Variants in MYO3A observed in about 807,000 individuals in gnomAD.
MYO3A encodes myosin-IIIa.
Under a neutral mutation model 192.7 loss-of-function variants are expected in MYO3A, and 180 were observed. That is an observed-to-expected ratio of 0.93 (90% CI 0.83 to 1.06). MYO3A has a LOEUF of 1.06. MYO3A is among the 50% of genes least tolerant of loss of function. The pLI is 0.00. For synonymous variants in MYO3A, 628 were observed against 645.3 expected, an observed-to-expected ratio of 0.97 and a Z score of 0.41; for missense variants, 1,896 against 1,905.0, an observed-to-expected ratio of 1.00 and a Z score of 0.09.
chr10:26,115,392 T>A (rs1404534368), intron 17 of MYO3A, among the ~76,000 whole-genome samples: 1 of 152,196 alleles, frequency 6.6e-6, no homozygotes. Flanking sequence ...TTGTTTTTAA[T>A]ATCCAAAGAA....
intron 6 of MYO3A, among the ~76,000 whole-genome samples, chr10:26,006,558 A>G (rs1263401668): frequency 3.9e-5 from 6 of 152,164 alleles, no homozygotes; most frequent in Non-Finnish European, 7.4e-5. Flanking sequence ...TATCACCACC[A>G]ATCCCACAGA....
chr10:25,970,137 T>C (rs1300895335), intron 4 of MYO3A, among the ~76,000 whole-genome samples: 1 of 152,088 alleles, frequency 6.6e-6, no homozygotes, highest in Non-Finnish European at 1.5e-5. Context: ...ATTTCCTCAG[T>C]AATTTAAAAA....
At chr10:25,956,626 G>T (rs1252872699) in intron 4 of MYO3A, among the ~76,000 whole-genome samples, 4 of 151,362 alleles carry the variant, frequency 2.6e-5, no homozygotes, top group Admixed American at 6.6e-5. Context: ...CTCCATTATG[G>T]TTTTTAAATG....
chr10:25,995,196 G>C (rs1453134857), intron 4 of MYO3A, among the ~76,000 whole-genome samples: 2 of 152,168 alleles, frequency 1.3e-5, no homozygotes, highest in African/African-American at 4.8e-5. Flanking sequence ...TTTCTTGGAA[G>C]CTTTGTTCAT....
At chr10:26,045,251 G>T (rs72793986) in intron 10 of MYO3A, among the ~76,000 whole-genome samples, 24,741 of 152,092 alleles carry the variant, frequency 0.16, 2,306 homozygotes, top group Non-Finnish European at 0.21. Flanking sequence ...GACATACTTA[G>T]GGGGACTTTG....
chr10:26,092,894 G>C (rs1404688714), intron 15 of MYO3A, among the ~76,000 whole-genome samples: 1 of 152,184 alleles, frequency 6.6e-6, no homozygotes, highest in Admixed American at 6.5e-5. Context: ...GTGACCCCGG[G>C]TAAGCTTTGG....
At chr10:26,134,110 A>G (rs1324522544) in intron 20 of MYO3A, among the ~76,000 whole-genome samples, 2 of 152,346 alleles carry the variant, frequency 1.3e-5, no homozygotes, top group East Asian at 1.9e-4. Context: ...TGGAATTTTC[A>G]TCTTAGCATG....
chr10:26,188,947 C>T (rs779830594), intron 31 of MYO3A, among the ~76,000 whole-genome samples: 14 of 152,126 alleles, frequency 9.2e-5, no homozygotes, highest in Non-Finnish European at 1.3e-4. Flanking sequence ...GTTCTTTTGG[C>T]TTAGGATTGA....
intron 6 of MYO3A, among the ~76,000 whole-genome samples, chr10:26,008,852 A>G (rs1267596909): frequency 1.3e-5 from 2 of 151,958 alleles, no homozygotes; most frequent in Non-Finnish European, 2.9e-5. Context: ...TAGAAATACC[A>G]TTTGACCCAG....
At chr10:26,195,361 T>A (rs780161706) in intron 32 of MYO3A, among the ~76,000 whole-genome samples, 2 of 152,224 alleles carry the variant, frequency 1.3e-5, no homozygotes, top group Non-Finnish European at 2.9e-5. Flanking sequence ...CAGCATGTCT[T>A]GTCAGTAGTT....
Position 26,174,506 on chromosome 10 carries a change from G to C in MYO3A, c.4242G>C (p.Ser1414=). 6.2e-7 allele frequency: 1 copy of C among 1,613,910 alleles called. No homozygotes were observed. Residue 1414 remains serine (S), a synonymous_variant, in exon 30 of 35, where the codon TCG becomes TCC. Coordinates refer to ENST00000642920, the MANE Select transcript of MYO3A (RefSeq NM_017433.5). ...NNIKKKDNKD[S]KATSEREACG... is the part of the protein sequence containing the mutation. ...TCAAGAAGAAGGATAACAAAGACTC[G>C]AAAGCAACTTCAGAAAGAGAAGCAT...
chr10:26,065,094 A>C (rs1834734303), intron 10 of MYO3A, among the ~76,000 whole-genome samples: 1 of 152,226 alleles, frequency 6.6e-6, no homozygotes, highest in Non-Finnish European at 1.5e-5. Flanking sequence ...CAGAGATACC[A>C]GTGAGTTAAG....
intron 4 of MYO3A, among the ~76,000 whole-genome samples, chr10:25,975,273 A>C (rs1291652432): frequency 6.6e-6 from 1 of 152,208 alleles, no homozygotes; most frequent in East Asian, 1.9e-4. Context: ...ACTGGCCAGA[A>C]CCACTCCAGG....
chr10:26,179,550 TAA>T (rs1443736636), intron 31 of MYO3A, among the ~76,000 whole-genome samples: 1 of 152,232 alleles, frequency 6.6e-6, no homozygotes, highest in Admixed American at 6.5e-5. Context: ...TCATTTCGCT[TAA>T]AGTTGCAGTT....
Position 26,096,684 on chromosome 10 carries a change from T to C in MYO3A, c.1776+2T>C. 1 of 1,549,556 alleles carries C rather than the reference T, an allele frequency of 6.5e-7. No homozygotes were observed. Among genetic ancestry groups the C allele is most frequent in the Non-Finnish European group, 8.9e-7 (1 of 1,121,406 alleles). On this transcript the variant is annotated splice_donor_variant, in intron 17 of 34. Transcript: ENST00000642920. LOFTEE classifies it high-confidence loss of function. ...AAAGTCATAGGTTTTACAATGGAGG[T>C]AAGTATGAAAGACACTTGAACTTCT...
chr10:26,082,544 C>T (rs544207891), intron 14 of MYO3A, among the ~76,000 whole-genome samples: 6 of 152,132 alleles, frequency 3.9e-5, no homozygotes, highest in Non-Finnish European at 8.8e-5. Context: ...CCACTTACCC[C>T]ACAGGGGATA....
At chr10:26,084,992 G>A (rs1181177933) in intron 14 of MYO3A, among the ~76,000 whole-genome samples, 1 of 151,974 alleles carries the variant, frequency 6.6e-6, no homozygotes, top group East Asian at 1.9e-4. Context: ...CTCAATTTTG[G>A]TAGGTTGTAT....
chr10:26,154,825 T>A lies in MYO3A; in HGVS notation c.2793+2T>A, dbSNP rs749714205. ...CAAACGGTTGCATCATATTTTAGAG[T>A]AAGATATTAAACTATGATGTATTGT... On this transcript the variant is annotated splice_donor_variant, in intron 25 of 34. Coordinates refer to ENST00000642920, the MANE Select transcript of MYO3A (RefSeq NM_017433.5). LOFTEE classifies it high-confidence loss of function. 7.5e-6 allele frequency: 12 copies of A among 1,608,724 alleles called. No individual in the cohort carries two copies. The highest frequency in any genetic ancestry group is 6.7e-5 in the Admixed American group (4 of 59,760).
At chr10:25,943,317 A>G (rs1328831239) in intron 2 of MYO3A, among the ~76,000 whole-genome samples, 1 of 152,094 alleles carries the variant, frequency 6.6e-6, no homozygotes, top group Non-Finnish European at 1.5e-5. Context: ...GAAATCAGGA[A>G]GTATAAAACC....
Sources: allele counts gnomAD v4.1 joint callset (sites outside exome capture counted in the v4.1 genomes callset), GRCh38; gene constraint gnomAD v4.1.1; transcripts MANE v1.5; gene names NCBI Gene and HGNC (gene_info 2026-07-23, HGNC 2026-07-21).